FBXO25: variants seen among roughly 807,000 people sequenced by gnomAD.
The protein encoded by FBXO25 is F-box only protein 25.
Under a neutral mutation model 51.9 loss-of-function variants are expected in FBXO25, and 45 were observed. The ratio of observed to expected loss-of-function variants is 0.87; its 90% CI spans 0.68 to 1.11. The LOEUF (loss-of-function observed/expected upper bound fraction) is 1.11, where lower values mean the gene tolerates loss of function less well. Among genes scored for constraint, FBXO25 ranks in the 50% most tolerant of loss-of-function variants. FBXO25 has a pLI of 0.00. For missense variants in FBXO25, 507 were observed against 428.5 expected (o/e 1.18, Z -1.62); for synonymous variants, 199 against 151.0 (o/e 1.32, Z -2.33).
At chr8:439,855 C>A (rs1343742901) in intron 5 of FBXO25, among the ~76,000 whole-genome samples, 2 of 152,204 alleles carry the variant, frequency 1.3e-5, no homozygotes, top group Non-Finnish European at 2.9e-5. Flanking sequence ...ATAACTTGAG[C>A]CCAGGAGTTT....
At chr8:455,143 A>T (rs956367939) in intron 7 of FBXO25, among the ~76,000 whole-genome samples, 4 of 152,302 alleles carry the variant, frequency 2.6e-5, no homozygotes, top group African/African-American at 7.2e-5. Flanking sequence ...AAAGTGTGTT[A>T]TGCCAAATGT....
rs1319524188 is a variant in FBXO25 at position 422,497 on chromosome 8, GT to G, written c.135-8843del. 2.6e-5 allele frequency among the ~76,000 whole-genome samples: 4 copies of G among 152,318 alleles called. No individual in the cohort carries two copies. In the East Asian group the frequency reaches 7.7e-4, roughly 29 times the overall value. ...TGGGCCCAGCAGCAGACGGGCTCTG[GT>G]GGGTGGCCTGGCAAAACAACAAAGC... is the stretch of plus-strand genomic sequence containing the variant. On this transcript the variant is annotated intron_variant, in intron 2 of 9. Transcript: ENST00000350302.
intron 5 of FBXO25, among the ~76,000 whole-genome samples, chr8:437,128 T>A (rs1176135048): frequency 2.0e-5 from 3 of 152,220 alleles, no homozygotes; most frequent in African/African-American, 4.8e-5. Flanking sequence ...TCAAATTTAC[T>A]TTTCTAAACA....
intron 2 of FBXO25, among the ~76,000 whole-genome samples, chr8:416,278 C>A (rs917833872): frequency 2.6e-5 from 4 of 152,204 alleles, no homozygotes. Context: ...TGTTCGGCTC[C>A]CTACATACTC....
At chr8:425,714 A>G (rs1001673945) in intron 2 of FBXO25, among the ~76,000 whole-genome samples, 2 of 151,842 alleles carry the variant, frequency 1.3e-5, no homozygotes, top group Admixed American at 6.6e-5. Flanking sequence ...CCAGCCTTTT[A>G]TAGCTGTATA....
Position 411,720 on chromosome 8 carries a change from G to A in FBXO25, c.-7-1353G>A, listed in dbSNP as rs192748084. The stretch of plus-strand genomic sequence containing the variant: ...TTCAGACAGCCCTTACAACTATGAA[G>A]GCACTAGATAATGGCTTAGACTGGT... On this transcript the variant is annotated intron_variant, in intron 1 of 9. Transcript: ENST00000350302. 2.5e-3 allele frequency among the ~76,000 whole-genome samples: 375 copies of A among 152,224 alleles called. 1 individual carries two copies. Among genetic ancestry groups the A allele is most frequent in the Non-Finnish European group, 4.1e-3 (278 of 68,022 alleles).
chr8:454,335 T>G (rs1283938573), intron 7 of FBXO25, among the ~76,000 whole-genome samples: 2 of 152,222 alleles, frequency 1.3e-5, no homozygotes, highest in Non-Finnish European at 2.9e-5. Context: ...TCTCTGTGAC[T>G]CAGTGAGAGC....
rs1334945054 is a variant in FBXO25, at chr8:476,974, T to G, written c.*8170T>G. On this transcript the variant is annotated 3_prime_UTR_variant, in exon 10 of 10. Transcript: ENST00000350302. ...CTCCTACCACTGCTTTGACTGTACC[T>G]GTTTTTTTGTATATTACATTTTTCA... 2 of 137,858 alleles carry G rather than the reference T, an allele frequency of 1.5e-5. No individual in the cohort carries two copies. Among genetic ancestry groups the G allele is most frequent in the African/African-American group, 3.1e-5 (1 of 31,966 alleles). 8.5% of individuals were successfully genotyped at this position (137,858 alleles called of 1,614,324 possible).
intron 2 of FBXO25, among the ~76,000 whole-genome samples, chr8:423,540 G>A (rs1300621032): frequency 2.0e-5 from 3 of 152,066 alleles, no homozygotes; most frequent in Non-Finnish European, 4.4e-5. Context: ...GTGAGAACAT[G>A]TGGTATTTGG....
In FBXO25 at chr8:467,597, C is replaced by T. The variant is rs186443337; in HGVS notation, c.988-1118C>T. The T allele has an allele frequency of 3.9e-5, 38 of 983,900 alleles. No individual in the cohort carries two copies. The East Asian group carries it at 6.1e-4, about 16-fold the overall frequency. 60.9% of individuals were successfully genotyped at this position (983,900 alleles called of 1,614,324 possible). A position where few individuals can be genotyped will look rare whatever the true frequency, so the allele number is the denominator to read the frequency against. The stretch of plus-strand genomic sequence containing the variant: ...GTTACCTGATGTTTTTAGTTATTTT[C>T]GTAAATAATATGAATCAAACCTGAA... On this transcript the variant is annotated intron_variant, in intron 9 of 9. Coordinates refer to ENST00000350302, the MANE Select transcript of FBXO25 (RefSeq NM_183420.2).
At chr8:434,435 C>G (rs1485552497) in intron 4 of FBXO25, among the ~76,000 whole-genome samples, 2 of 152,128 alleles carry the variant, frequency 1.3e-5, no homozygotes, top group Non-Finnish European at 2.9e-5. Context: ...CCCAGAGTTC[C>G]CAGGAAAATG....
rs1800596682 is a variant in FBXO25, at chr8:474,840, C to G, written c.*6036C>G. 1 of 445,348 alleles carries G rather than the reference C, an allele frequency of 2.2e-6. No homozygotes were observed. Among genetic ancestry groups the G allele is most frequent in the Non-Finnish European group, 4.5e-6 (1 of 224,514 alleles). 27.6% of individuals were successfully genotyped at this position (445,348 alleles called of 1,614,324 possible). A position where few individuals can be genotyped will look rare whatever the true frequency, so the allele number is the denominator to read the frequency against. ...TTTGATGTACAGAAGTTGTTTCTTT[C>G]TTTTAGTTACCTGTGTGTGCCTCTG... On this transcript the variant is annotated 3_prime_UTR_variant, in exon 10 of 10. Transcript: ENST00000350302.
At chr8:455,626 G>T (rs1397640706) in intron 7 of FBXO25, among the ~76,000 whole-genome samples, 2 of 152,206 alleles carry the variant, frequency 1.3e-5, no homozygotes, top group African/African-American at 2.4e-5. Flanking sequence ...ACAAGTTTCT[G>T]TTAGCAGAAG....
chr8:468,835 G>A lies in FBXO25; in HGVS notation c.*31G>A. 1.9e-6 allele frequency: 3 copies of A among 1,604,308 alleles called. No homozygotes were observed. The highest frequency in any genetic ancestry group is 2.6e-6 in the Non-Finnish European group (3 of 1,172,980). On this transcript the variant is annotated 3_prime_UTR_variant, in exon 10 of 10. Transcript: ENST00000350302. ...GCCCCTGCCATCCCTATTGGAGATT[G>A]TGAATCCTGCTGTCTGTGCAGGGCT...
At chr8:429,133 G>A (rs1797669064) in intron 2 of FBXO25, among the ~76,000 whole-genome samples, 1 of 152,096 alleles carries the variant, frequency 6.6e-6, no homozygotes, top group Non-Finnish European at 1.5e-5. Flanking sequence ...TCCTATAGTA[G>A]CTATACCATC....
At chr8:455,598 T>C (rs1799370740) in intron 7 of FBXO25, among the ~76,000 whole-genome samples, 1 of 152,110 alleles carries the variant, frequency 6.6e-6, no homozygotes, top group African/African-American at 2.4e-5. Context: ...CTGTGTAAAA[T>C]AGAATGATAA....
At chr8:449,079 GGTAAAA>G (rs71202621) in intron 5 of FBXO25, among the ~76,000 whole-genome samples, 27,606 of 151,968 alleles carry the variant, frequency 0.18, 2,536 homozygotes, top group Middle Eastern at 0.24. Context: ...CCTGAAGGCT[GGTAAAA>G]GTAAAAGATT....
At chr8:412,312 C>T (rs979138216) in intron 1 of FBXO25, among the ~76,000 whole-genome samples, 6 of 152,166 alleles carry the variant, frequency 3.9e-5, no homozygotes, top group Non-Finnish European at 7.3e-5. Context: ...TTGATTTCCT[C>T]CTCACGTTTC....
intron 2 of FBXO25, among the ~76,000 whole-genome samples, chr8:424,118 A>ATT (rs36051355): frequency 0.027 from 3,198 of 120,576 alleles, 153 homozygotes; most frequent in African/African-American, 0.081. Flanking sequence ...TCCTTTGCCC[A>ATT]TTTTTTTTTT....
Sources: gnomAD v4.1 joint callset for allele counts (sites outside exome capture counted in the v4.1 genomes callset) on GRCh38, gnomAD v4.1.1 for gene constraint, MANE v1.5 for transcripts, NCBI Gene and HGNC (gene_info 2026-07-23, HGNC 2026-07-21) for gene names.